Variants in PCOLCE2 observed in about 807,000 individuals in gnomAD.
The protein encoded by PCOLCE2 is procollagen C-proteinase enhancer 2.
Under a neutral mutation model 47.0 loss-of-function variants are expected in PCOLCE2, and 42 were observed. That is an observed-to-expected ratio of 0.89 (90% CI 0.70 to 1.16). The LOEUF (loss-of-function observed/expected upper bound fraction) is 1.16. Among genes scored for constraint, PCOLCE2 ranks in the 50% most tolerant of loss-of-function variants. The pLI is 0.00. For missense variants in PCOLCE2, 500 were observed against 526.1 expected, an observed-to-expected ratio of 0.95 and a Z score of 0.49; for synonymous variants, 169 against 191.7, an observed-to-expected ratio of 0.88 and a Z score of 0.98.
At chr3:142,824,500 T>C (rs1937051762) in intron 6 of PCOLCE2, among the ~76,000 whole-genome samples, 2 of 152,230 alleles carry the variant, frequency 1.3e-5, no homozygotes. Flanking sequence ...TTGCTAATTA[T>C]TTGTTTCTGT....
chr3:142,828,053 G>A (rs1284321169), intron 6 of PCOLCE2, among the ~76,000 whole-genome samples: 1 of 152,178 alleles, frequency 6.6e-6, no homozygotes, highest in African/African-American at 2.4e-5. Flanking sequence ...CAGTTCGCCT[G>A]GACCAGCACG....
Position 142,827,714 on chromosome 3 carries a change from G to A in PCOLCE2, c.865+1978C>T, listed in dbSNP as rs1056816719. ...CTTGGGGAGGGGCGCGCTGTGACCCGAGTTGTGGATGATGGGTGACTCTTA... is the reference window on the plus strand; with the variant it reads ...CTTGGGGAGGGGCGCGCTGTGACCCAAGTTGTGGATGATGGGTGACTCTTA... On this transcript the variant is annotated intron_variant, in intron 6 of 8. Coordinates refer to ENST00000295992, the MANE Select transcript of PCOLCE2 (RefSeq NM_013363.4). 1.5e-4 allele frequency: 137 copies of A among 942,312 alleles called. No homozygotes were observed. The African/African-American group carries it at 2.1e-3, about 14-fold the overall frequency. The allele number at this position is 942,312 out of a possible 1,614,324, so 58.4% of individuals were successfully genotyped here. A position where few individuals can be genotyped will look rare whatever the true frequency, so the allele number is the denominator to read the frequency against.
chr3:142,876,671 A>G (rs887293119), intron 2 of PCOLCE2, among the ~76,000 whole-genome samples: 2 of 152,090 alleles, frequency 1.3e-5, no homozygotes, highest in African/African-American at 4.8e-5. Flanking sequence ...CATGGTTGGC[A>G]CCTCAGCTGA....
At chr3:142,844,083 C>T (rs1249719249) in intron 3 of PCOLCE2, among the ~76,000 whole-genome samples, 1 of 152,070 alleles carries the variant, frequency 6.6e-6, no homozygotes, top group Non-Finnish European at 1.5e-5. Context: ...TATTATTTTA[C>T]AGGTTTTGGG....
Position 142,842,958 on chromosome 3 carries a change from G to A in PCOLCE2, c.539C>T (p.Thr180Ile). 6.2e-7 allele frequency: 1 copy of A among 1,614,080 alleles called. No individual in the cohort carries two copies. The highest frequency in any genetic ancestry group is 8.5e-7 in the Non-Finnish European group (1 of 1,179,950). The change falls in exon 4 of 9, where the codon ACT becomes ATT. Residue 180 changes from threonine (T) to isoleucine (I), a missense_variant. Physicochemically the swap from Thr to Ile is moderately conservative, Grantham distance 89. Transcript: ENST00000295992. The surrounding 1 kb of genome is among the most constrained non-coding windows in gnomAD (Gnocchi z 4.1). ...TGGGGCTACAATGTGCCACACACAA[G>A]TGACTCCTGCAGGGTAATCCCGGTC... ...WPDRDYPAGV[T>I]CVWHIVAPKN... is the part of the protein sequence containing the mutation.
At chr3:142,832,758 G>A (rs1224216362) in intron 5 of PCOLCE2, among the ~76,000 whole-genome samples, 1 of 147,868 alleles carries the variant, frequency 6.8e-6, no homozygotes, top group Non-Finnish European at 1.5e-5. Flanking sequence ...GAATTCAATG[G>A]CATTGATCTA....
chr3:142,866,389 C>A (rs1027932452), intron 2 of PCOLCE2, among the ~76,000 whole-genome samples: 5 of 152,188 alleles, frequency 3.3e-5, no homozygotes, highest in Admixed American at 6.5e-5. Context: ...GGTCTCTGAA[C>A]TTGGACTGAT....
chr3:142,858,643 T>C (rs894888534), intron 2 of PCOLCE2, among the ~76,000 whole-genome samples: 1 of 152,112 alleles, frequency 6.6e-6, no homozygotes, highest in Non-Finnish European at 1.5e-5. Flanking sequence ...ATGTGAGAGA[T>C]GGCACCAACA....
At chr3:142,831,436 G>A (rs1937150481) in intron 5 of PCOLCE2, among the ~76,000 whole-genome samples, 1 of 152,144 alleles carries the variant, frequency 6.6e-6, no homozygotes, top group Admixed American at 6.5e-5. Context: ...GGACTTTTCA[G>A]CCTCCGTAAC....
At position 142,818,299 on chromosome 3, in the gene PCOLCE2, AT is replaced by A. The variant is rs1316796556; in HGVS notation, c.*35del. 1 of 1,590,900 alleles carries A rather than the reference AT, an allele frequency of 6.3e-7. No individual in the cohort carries two copies. The highest frequency in any genetic ancestry group is 1.1e-5 in the South Asian group (1 of 89,766). On this transcript the variant is annotated 3_prime_UTR_variant, in exon 9 of 9. Coordinates refer to ENST00000295992, the MANE Select transcript of PCOLCE2 (RefSeq NM_013363.4). ...AGAGAACATAGATCTTTCAAAGGCA[AT>A]GGCAGAATACAGCTTAAATGGACAC...
intron 2 of PCOLCE2, among the ~76,000 whole-genome samples, chr3:142,873,045 C>A (rs1295874738): frequency 6.6e-6 from 1 of 151,994 alleles, no homozygotes; most frequent in African/African-American, 2.4e-5. Context: ...ATAATCTCAT[C>A]TCTATCATTC....
chr3:142,863,168 T>C (rs1355663856), intron 2 of PCOLCE2, among the ~76,000 whole-genome samples: 1 of 148,944 alleles, frequency 6.7e-6, no homozygotes, highest in African/African-American at 2.5e-5. Flanking sequence ...ATGGGAAAGC[T>C]TGGTTCACTT....
chr3:142,878,755 G>A (rs968102975), intron 2 of PCOLCE2, among the ~76,000 whole-genome samples: 4 of 152,094 alleles, frequency 2.6e-5, no homozygotes, highest in Admixed American at 2.6e-4. Flanking sequence ...CTGGGTGGCT[G>A]AGGCAGGAGA....
At chr3:142,843,238 T>C in intron 3 of PCOLCE2, 190 bp from the exon 4 acceptor site, 1 of 672,962 alleles carries the variant, frequency 1.5e-6, no homozygotes, top group Non-Finnish European at 2.7e-6. Flanking sequence ...TGAATGATCT[T>C]TGTTACCTGA....
Position 142,842,664 on chromosome 3 carries a change from A to G in PCOLCE2, c.573+260T>C, listed in dbSNP as rs1209447622. Among the ~76,000 whole-genome samples, 2 of 151,766 alleles carry G rather than the reference A, an allele frequency of 1.3e-5. No homozygotes were observed. Among genetic ancestry groups the G allele is most frequent in the African/African-American group, 4.8e-5 (2 of 41,264 alleles). On this transcript the variant is annotated intron_variant, in intron 4 of 8. Transcript: ENST00000295992. This position sits in a 1 kb window ranked among gnomAD's most constrained non-coding sequence, Gnocchi z 4.1. ...TGAGGCAGGAGAATCGCTTGAACCC[A>G]GGAGGTGGAGGTTGCGGTGAGCTGA...
chr3:142,827,608 A>C (rs914283380), intron 6 of PCOLCE2: 12 of 1,474,618 alleles, frequency 8.1e-6, no homozygotes, highest in Non-Finnish European at 1.1e-5. Context: ...CGCAATACAC[A>C]AACTGGCCCG....
At chr3:142,827,444 T>G in intron 6 of PCOLCE2, 1 of 1,560,756 alleles carries the variant, frequency 6.4e-7, no homozygotes, top group South Asian at 1.1e-5. Context: ...CTTCTTGGTC[T>G]CAGGGTTGTG....
intron 6 of PCOLCE2, chr3:142,827,389 T>G: frequency 6.4e-7 from 1 of 1,559,806 alleles, no homozygotes; most frequent in Non-Finnish European, 8.8e-7. Flanking sequence ...CTCTGTTGGC[T>G]GAGGAGACAA....
At chr3:142,843,503 A>T (rs1937291283) in intron 3 of PCOLCE2, among the ~76,000 whole-genome samples, 1 of 150,572 alleles carries the variant, frequency 6.6e-6, no homozygotes, top group East Asian at 1.9e-4. Flanking sequence ...ATATGTATAT[A>T]ATATATATAT....
Sources: gnomAD v4.1 joint callset for allele counts (sites outside exome capture counted in the v4.1 genomes callset) on GRCh38, gnomAD v4.1.1 for gene constraint, Gnocchi (gnomAD v3.1) non-coding constraint, MANE v1.5 for transcripts, NCBI Gene and HGNC (gene_info 2026-07-23, HGNC 2026-07-21) for gene names.